SLC26A1: variants seen among roughly 807,000 people sequenced by gnomAD.
SLC26A1 encodes the protein solute carrier family 26 member 1.
A neutral mutation model predicts 14.5 loss-of-function variants in SLC26A1; 18 were observed. That is an observed-to-expected ratio of 1.24 (90% CI 0.86 to 1.84). SLC26A1 has a LOEUF of 1.84. Ranked by LOEUF, SLC26A1 falls within the 40% of genes most tolerant of loss-of-function variation. The probability of loss-of-function intolerance (pLI) is 0.00; values close to 1 mark genes in which losing one functional copy is unlikely to be tolerated. For synonymous variants in SLC26A1, 505 were observed against 492.0 expected (o/e 1.03, Z -0.35); for missense variants, 1,049 against 1,020.0 (o/e 1.03, Z -0.39).
In SLC26A1 at chr4:989,985, G is replaced by T. The variant is rs963110682; in HGVS notation, c.954C>A (p.Ser318Arg). Residue 318 changes from serine to arginine, a missense_variant, in exon 3 of 3, where the codon AGC becomes AGA. Coordinates refer to ENST00000398516, the MANE Select transcript of SLC26A1 (RefSeq NM_022042.4). ...AACCCGTGGGGATGTCGCCAGCCAC[G>T]CTCGAGCCAAAGCGCTTGTGGAGCT... ...FGQLHKRFGS[S>R]VAGDIPTGFM... 4 of 1,560,266 alleles carry T rather than the reference G, an allele frequency of 2.6e-6. No homozygotes were observed. Among genetic ancestry groups the T allele is most frequent in the African/African-American group, 2.7e-5 (2 of 73,698 alleles).
intron 2 of SLC26A1, among the ~76,000 whole-genome samples, chr4:980,976 G>A (rs550536698): frequency 1.1e-3 from 175 of 152,208 alleles, no homozygotes; most frequent in African/African-American, 3.8e-3. Context: ...TCACAATCTC[G>A]AGGCTGCCAT....
chr4:981,445 C>T (rs1713538029), intron 2 of SLC26A1, among the ~76,000 whole-genome samples: 1 of 151,968 alleles, frequency 6.6e-6, no homozygotes, highest in African/African-American at 2.4e-5. Context: ...GACCCTTAGC[C>T]CGGACAACAG....
chr4:983,692 C>T (rs1342790804), downstream of SLC26A1, among the ~76,000 whole-genome samples: 1 of 152,224 alleles, frequency 6.6e-6, no homozygotes, highest in African/African-American at 2.4e-5. Flanking sequence ...TCCAAGAAAT[C>T]TGTGTACCCT....
chr4:991,581 G>C lies in SLC26A1; in HGVS notation c.123C>G (p.Cys41Trp), dbSNP rs143974931. 0.012 allele frequency: 18,511 copies of C among 1,599,798 alleles called. 133 individuals are homozygous for C. The highest frequency in any genetic ancestry group is 0.016 in the Middle Eastern group (96 of 6,034). The change falls in exon 2 of 3, where the codon TGC becomes TGG. Residue 41 changes from cysteine (C) to tryptophan (W), a missense_variant. Physicochemically the swap from Cys to Trp is radical, Grantham distance 215 (BLOSUM62 -2). Coordinates refer to ENST00000398516, the MANE Select transcript of SLC26A1 (RefSeq NM_022042.4). ...LKARLWCSCS[C>W]SVLCVRALVQ... Reference sequence around the variant, plus strand: ...CCAGCGCCCGGACGCACAGCACACTGCACGAGCAGCTGCACCACAGCCTGG... The same window carrying C: ...CCAGCGCCCGGACGCACAGCACACTCCACGAGCAGCTGCACCACAGCCTGG...
rs387907487 is a variant in SLC26A1 at position 989,491 on chromosome 4, A to T, written c.1448T>A (p.Leu483Gln). The T allele has an allele frequency of 1.3e-4, 209 of 1,554,208 alleles. 1 individual carries two copies. Among genetic ancestry groups the T allele is most frequent in the Middle Eastern group, 5.0e-4 (3 of 5,962 alleles). Residue 483 changes from leucine to glutamine, a missense_variant, in exon 3 of 3, where the codon CTG becomes CAG. Physicochemically the swap from Leu to Gln is moderately radical, Grantham distance 113. Transcript: ENST00000398516. ...VWAGTAATCM[L>Q]VSTEAGLLAG... is the part of the protein sequence containing the mutation. ...CAGCAGCCCGGCCTCTGTGCTGACC[A>T]GCATACAGGTGGCCGCGGTGCCTGC...
rs1331092895 is a variant in SLC26A1 at position 988,825 on chromosome 4, T to C, written c.*8A>G. ...GGGAGCAGAGGCTGCTGGGCAGGCC[T>C]GGCCCTGCTACAGATGGGCATCGGT... On this transcript the variant is annotated 3_prime_UTR_variant, in exon 3 of 3. Transcript: ENST00000398516. 2 of 1,575,026 alleles carry C rather than the reference T, an allele frequency of 1.3e-6. No homozygotes were observed. Among genetic ancestry groups the C allele is most frequent in the South Asian group, 2.4e-5 (2 of 85,018 alleles).
At chr4:983,758 C>A (rs1283929546), downstream of SLC26A1, among the ~76,000 whole-genome samples, 1 of 152,234 alleles carries the variant, frequency 6.6e-6, no homozygotes, top group Admixed American at 6.5e-5. Context: ...GCACTCTTCA[C>A]TTCTTCCTCT....
At chr4:985,618 G>A (rs568221304), downstream of SLC26A1, among the ~76,000 whole-genome samples, 65 of 152,184 alleles carry the variant, frequency 4.3e-4, no homozygotes, top group Admixed American at 1.4e-3. Context: ...CCTGGAGACA[G>A]TTCTGTACTT....
At chr4:982,769 G>C (rs1214004799), downstream of SLC26A1, among the ~76,000 whole-genome samples, 1 of 152,240 alleles carries the variant, frequency 6.6e-6, no homozygotes, top group Non-Finnish European at 1.5e-5. Context: ...CTCCTGGCCT[G>C]TCGTGGCCGG....
chr4:990,440 AG>A, intron 2 of SLC26A1, 78 bp from the exon 3 acceptor site: 1 of 1,389,540 alleles, frequency 7.2e-7, no homozygotes, highest in Middle Eastern at 2.5e-4. Context: ...GCATGGCCCG[AG>A]GGGTGGTGGT....
Position 991,714 on chromosome 4 carries a change from C to A in SLC26A1, c.-11G>T, listed in dbSNP as rs1289443188. On this transcript the variant is annotated 5_prime_UTR_variant, in exon 2 of 3. Transcript: ENST00000398516. ...AGGGGACTCGTCCATCCTGTTGCGT[C>A]AGGTCCCGTGGCCGACCTGCGGCCG... 3.9e-6 allele frequency: 6 copies of A among 1,535,570 alleles called. No individual in the cohort carries two copies. In the East Asian group the frequency reaches 1.1e-4, roughly 29 times the overall value.
At chr4:980,694 C>A (rs1323510692) in intron 2 of SLC26A1, among the ~76,000 whole-genome samples, 1 of 150,356 alleles carries the variant, frequency 6.7e-6, no homozygotes, top group African/African-American at 2.4e-5. Flanking sequence ...AAGACGAAAA[C>A]CAAGATTTTG....
chr4:989,582 C>G lies in SLC26A1; in HGVS notation c.1357G>C (p.Ala453Pro), dbSNP rs760755511. Residue 453 changes from alanine to proline, a missense_variant, in exon 3 of 3, where the codon GCC (alanine) becomes CCC (proline). Ala to Pro is a conservative substitution (Grantham distance 27). Transcript: ENST00000398516. ...GGGAGGTCCCACACCTTGCGCAGGG[C>G]CCCCCGCAGGCTGACCACGATGACG... ...ACVIVVSLRGALRKVWDLPRL... is the reference protein window; with the variant it reads ...ACVIVVSLRGPLRKVWDLPRL... 6.3e-7 allele frequency: 1 copy of G among 1,596,498 alleles called. No homozygotes were observed.
Position 988,948 on chromosome 4 carries a change from C to A in SLC26A1, c.1991G>T (p.Gly664Val). ...RDILSRGGFL[G>V]EGPGDTAEEE... is the part of the protein sequence containing the mutation. ...CTCAGCCGTGTCCCCGGGGCCCTCC[C>A]CGAGGAAGCCTCCTCTGCTCAGAAT... The change falls in exon 3 of 3, where the codon GGG becomes GTG. Residue 664 changes from glycine to valine, a missense_variant. Transcript: ENST00000398516. 6.3e-7 allele frequency: 1 copy of A among 1,596,164 alleles called. No homozygotes were observed.
In SLC26A1 at chr4:989,517, C is replaced by T; in HGVS notation, c.1422G>A (p.Trp474Ter). Residue 474 changes from tryptophan (W) to a stop codon, truncating the protein, a stop_gained, in exon 3 of 3, where the codon TGG (tryptophan) becomes TGA (stop). Coordinates refer to ENST00000398516, the MANE Select transcript of SLC26A1 (RefSeq NM_022042.4). LOFTEE classifies it low-confidence loss of function (END_TRUNC). The part of the protein sequence containing the change: ...WRMSPADALV[W>*]AGTAATCMLV... ...GCATACAGGTGGCCGCGGTGCCTGCCCAGACCAGCGCGTCAGCCGGGCTCA... is the reference window on the plus strand; with the variant it reads ...GCATACAGGTGGCCGCGGTGCCTGCTCAGACCAGCGCGTCAGCCGGGCTCA... 6.4e-7 allele frequency: 1 copy of T among 1,554,508 alleles called. No individual in the cohort carries two copies. Among genetic ancestry groups the T allele is most frequent in the East Asian group, 2.4e-5 (1 of 41,754 alleles).
At chr4:981,247 C>T (rs935042006) in intron 2 of SLC26A1, among the ~76,000 whole-genome samples, 11 of 152,242 alleles carry the variant, frequency 7.2e-5, no homozygotes, top group Admixed American at 6.5e-4. Context: ...CCTACTGACA[C>T]GCAGTCCAGT....
At chr4:992,415 T>G (rs1263331979) in intron 1 of SLC26A1, among the ~76,000 whole-genome samples, 1 of 152,236 alleles carries the variant, frequency 6.6e-6, no homozygotes, top group Non-Finnish European at 1.5e-5. Context: ...TTGTGGGTAC[T>G]GGGACCCCAA....
Position 988,922 on chromosome 4 carries a change from C to A in SLC26A1, c.2017G>T (p.Glu673Ter). The change falls in exon 3 of 3, where the codon GAG (glutamate) becomes TAG (stop). Residue 673 changes from glutamate (E) to a stop codon, truncating the protein, a stop_gained. Coordinates refer to ENST00000398516, the MANE Select transcript of SLC26A1 (RefSeq NM_022042.4). LOFTEE classifies it low-confidence loss of function (END_TRUNC). ...LGEGPGDTAE[E>*]EQLFLSVHDA... ...TGCACACTGAGGAACAGCTGCTCCT[C>A]CTCAGCCGTGTCCCCGGGGCCCTCC... is the stretch of plus-strand genomic sequence containing the variant. 1 of 1,603,386 alleles carries A rather than the reference C, an allele frequency of 6.2e-7. No homozygotes were observed. Among genetic ancestry groups the A allele is most frequent in the Non-Finnish European group, 8.5e-7 (1 of 1,175,856 alleles).
downstream of SLC26A1, chr4:987,118 G>C: frequency 6.9e-7 from 1 of 1,445,638 alleles, no homozygotes; most frequent in Non-Finnish European, 9.1e-7. Context: ...CGCGCTGCTG[G>C]CGCTCCTGGC....
Sources: gnomAD v4.1 joint callset for allele counts (sites outside exome capture counted in the v4.1 genomes callset) on GRCh38, gnomAD v4.1.1 for gene constraint, MANE v1.5 for transcripts, NCBI Gene and HGNC (gene_info 2026-07-23, HGNC 2026-07-21) for gene names.